The following NLRP14 variants were observed in gnomAD, a reference collection of about 807,000 sequenced individuals.
The protein encoded by NLRP14 is NLR family pyrin domain containing 14.
A neutral mutation model predicts 94.7 loss-of-function variants in NLRP14; 105 were observed. The ratio of observed to expected loss-of-function variants is 1.11; its 90% CI spans 0.95 to 1.30. The LOEUF is 1.30. NLRP14 is among the 50% of genes most tolerant of loss of function. NLRP14 has a pLI of 0.00. For missense variants in NLRP14, 1,362 were observed against 1,254.1 expected, an observed-to-expected ratio of 1.09 and a Z score of -1.30; for synonymous variants, 508 against 459.9, an observed-to-expected ratio of 1.10 and a Z score of -1.34.
chr11:7,037,464 A>G (rs1412126656), intron 1 of NLRP14, among the ~76,000 whole-genome samples: 1 of 152,154 alleles, frequency 6.6e-6, no homozygotes. Context: ...GAAAGACTGG[A>G]AAGGGCAGGA....
chr11:7,071,988 G>T (rs150246304), downstream of NLRP14, among the ~76,000 whole-genome samples: 2,965 of 152,282 alleles, frequency 0.019, 41 homozygotes, highest in Middle Eastern at 0.044. Context: ...GGTTATTTGG[G>T]CTAGAGCTAG....
the NLRP14 span, among the ~76,000 whole-genome samples, chr11:7,080,106 T>C: frequency 6.6e-6 from 1 of 152,194 alleles, no homozygotes; most frequent in Non-Finnish European, 1.5e-5. Context: ...TTCAGCAAGC[T>C]AAACCTTTGA....
chr11:7,058,597 A>T (rs1472490402), intron 8 of NLRP14, 147 bp downstream of exon 8: 1 of 669,350 alleles, frequency 1.5e-6, no homozygotes, highest in African/African-American at 1.8e-5. Context: ...AATAATTGCC[A>T]TTTATTGTGT....
chr11:7,077,846 A>G, the NLRP14 span, among the ~76,000 whole-genome samples: 2 of 152,212 alleles, frequency 1.3e-5, no homozygotes, highest in Non-Finnish European at 2.9e-5. Context: ...GTGAGAATTC[A>G]AGATGAGATT....
intron 8 of NLRP14, among the ~76,000 whole-genome samples, chr11:7,059,149 T>C (rs1241278604): frequency 1.3e-5 from 2 of 151,010 alleles, no homozygotes; most frequent in Non-Finnish European, 3.0e-5. Context: ...ATGGGCTGTT[T>C]TTTTCTGATG....
chr11:7,079,351 C>T, the NLRP14 span, among the ~76,000 whole-genome samples: 3 of 152,186 alleles, frequency 2.0e-5, no homozygotes, highest in Non-Finnish European at 4.4e-5. Flanking sequence ...GTGTACTCTT[C>T]TTTGTTCACC....
intron 1 of NLRP14, among the ~76,000 whole-genome samples, chr11:7,027,852 A>C (rs1852036335): frequency 6.6e-6 from 1 of 152,220 alleles, no homozygotes; most frequent in Non-Finnish European, 1.5e-5. Flanking sequence ...CATTTGGTAC[A>C]ATTAATCTCT....
At chr11:7,076,643 A>G in the NLRP14 span, among the ~76,000 whole-genome samples, 1 of 151,832 alleles carries the variant, frequency 6.6e-6, no homozygotes, top group Admixed American at 6.6e-5. Flanking sequence ...TATCTTATAT[A>G]TCATCATCTC....
chr11:7,053,228 C>A lies in NLRP14; in HGVS notation c.2291+3390C>A, dbSNP rs764718277. Among the ~76,000 whole-genome samples, 8 of 151,968 alleles carry A rather than the reference C, an allele frequency of 5.3e-5. No homozygotes were observed. In the East Asian group the frequency reaches 1.5e-3, roughly 29 times the overall value. ...AAATTATAAACTAATCTTTAAAATA[C>A]CGTATTACTTCAACATTTCAAAATC... On this transcript the variant is annotated intron_variant, in intron 6 of 11. Transcript: ENST00000299481.
At chr11:7,057,616 G>A in intron 6 of NLRP14, 61 bp from the exon 7 acceptor site, 1 of 1,456,982 alleles carries the variant, frequency 6.9e-7, no homozygotes, top group Non-Finnish European at 9.6e-7. Context: ...GGATCGGTAG[G>A]TGTTGGTTGT....
chr11:7,049,907 T>C (rs1589865606), intron 6 of NLRP14, 69 bp downstream of exon 6: 2 of 1,311,728 alleles, frequency 1.5e-6, no homozygotes, highest in East Asian at 2.3e-5. Context: ...AAGTAGACTC[T>C]TACAGCCTGG....
chr11:7,062,201 C>T (rs1384960716), intron 9 of NLRP14, 132 bp from the exon 10 acceptor site: 1 of 746,640 alleles, frequency 1.3e-6, no homozygotes, highest in East Asian at 2.6e-5. Flanking sequence ...ATTAGACCCT[C>T]CCATGTATGT....
chr11:7,040,280 G>A (rs1376589338), intron 3 of NLRP14, among the ~76,000 whole-genome samples: 1 of 152,200 alleles, frequency 6.6e-6, no homozygotes, highest in African/African-American at 2.4e-5. Flanking sequence ...AGGTCGCATA[G>A]CAGGAGGTGA....
intron 4 of NLRP14, among the ~76,000 whole-genome samples, 160 bp from the exon 5 acceptor site, chr11:7,046,508 G>C (rs1852352255): frequency 6.6e-6 from 1 of 152,180 alleles, no homozygotes; most frequent in Non-Finnish European, 1.5e-5. Flanking sequence ...GGAGTGCCCA[G>C]AGGAAGACTT....
chr11:7,076,943 A>T, the NLRP14 span, among the ~76,000 whole-genome samples: 5 of 152,194 alleles, frequency 3.3e-5, no homozygotes, highest in Admixed American at 2.6e-4. Flanking sequence ...GAACACTTGT[A>T]TTATTTTCCA....
intron 3 of NLRP14, 142 bp downstream of exon 3, chr11:7,039,927 G>C (rs576816692): frequency 1.3e-6 from 1 of 741,864 alleles, no homozygotes; most frequent in South Asian, 1.5e-5. Context: ...CACCCAAAAA[G>C]GATCAGCAAA....
At chr11:7,034,385 C>A (rs908698343) in intron 1 of NLRP14, among the ~76,000 whole-genome samples, 1 of 152,120 alleles carries the variant, frequency 6.6e-6, no homozygotes, top group African/African-American at 2.4e-5. Flanking sequence ...ATCGGCTCAT[C>A]GTATCTATTC....
chr11:7,039,838 A>G, intron 3 of NLRP14, 53 bp downstream of exon 3: 1 of 1,333,280 alleles, frequency 7.5e-7, no homozygotes, highest in Non-Finnish European at 1.1e-6. Flanking sequence ...GTTTTGATAC[A>G]GGACGGTGAT....
intron 8 of NLRP14, among the ~76,000 whole-genome samples, chr11:7,059,350 TC>T (rs1852574213): frequency 6.6e-6 from 1 of 151,824 alleles, no homozygotes; most frequent in Non-Finnish European, 1.5e-5. Flanking sequence ...GAAGTACCTT[TC>T]TTTTAAAAAA....
Sources: gnomAD v4.1 joint callset for allele counts (sites outside exome capture counted in the v4.1 genomes callset) on GRCh38, gnomAD v4.1.1 for gene constraint, MANE v1.5 for transcripts, NCBI Gene and HGNC (gene_info 2026-07-23, HGNC 2026-07-21) for gene names.